Variants in CHRNA7 observed in about 807,000 individuals in gnomAD.
The protein encoded by CHRNA7 is cholinergic receptor nicotinic alpha 7 subunit, also known as neuronal acetylcholine receptor subunit alpha-7.
A neutral mutation model predicts 48.0 loss-of-function variants in CHRNA7; 17 were observed. The observed-to-expected ratio is 0.35, with a 90% CI of 0.24 to 0.53. The LOEUF is 0.53. Among genes scored for constraint, CHRNA7 ranks in the 20% least tolerant of loss-of-function variants. The pLI, the probability that CHRNA7 is intolerant of heterozygous loss-of-function variation, is 0.92. For missense variants in CHRNA7, 155 were observed against 577.7 expected, an observed-to-expected ratio of 0.27 and a Z score of 7.50; for synonymous variants, 75 against 242.3, an observed-to-expected ratio of 0.31 and a Z score of 6.41.
At chr15:32,125,693 T>A (rs966635165) in intron 4 of CHRNA7, among the ~76,000 whole-genome samples, 2 of 152,184 alleles carry the variant, frequency 1.3e-5, no homozygotes, top group Non-Finnish European at 2.9e-5. Flanking sequence ...CTGCTCTGGC[T>A]AAGAAGCTGC....
At chr15:32,091,843 G>A (rs1026288771) in intron 2 of CHRNA7, among the ~76,000 whole-genome samples, 3 of 152,116 alleles carry the variant, frequency 2.0e-5, no homozygotes, top group Non-Finnish European at 2.9e-5. Context: ...TTGTTGTTTT[G>A]AAGGATTTCT....
At chr15:32,136,752 G>GT (rs999828766) in intron 4 of CHRNA7, among the ~76,000 whole-genome samples, 69 of 147,594 alleles carry the variant, frequency 4.7e-4, no homozygotes, top group African/African-American at 1.8e-3. Flanking sequence ...ACAGGAGAAG[G>GT]CCGGCGCGGT....
chr15:32,067,732 T>C (rs2049989395), intron 2 of CHRNA7, among the ~76,000 whole-genome samples: 1 of 152,356 alleles, frequency 6.6e-6, no homozygotes, highest in South Asian at 2.1e-4. Context: ...ATAAATGTAA[T>C]TTTTAATGCA....
At chr15:32,148,885 C>G (rs1374003361) in intron 4 of CHRNA7, among the ~76,000 whole-genome samples, 1 of 152,252 alleles carries the variant, frequency 6.6e-6, no homozygotes, top group Non-Finnish European at 1.5e-5. Flanking sequence ...ACATCCGTTT[C>G]CGTCTTTGGG....
intron 2 of CHRNA7, among the ~76,000 whole-genome samples, chr15:32,071,421 T>C (rs2050056304): frequency 6.6e-6 from 1 of 152,228 alleles, no homozygotes; most frequent in African/African-American, 2.4e-5. Flanking sequence ...TATTTCTTCT[T>C]TGATTCCTGT....
intron 2 of CHRNA7, among the ~76,000 whole-genome samples, chr15:32,046,607 C>T (rs1330290186): frequency 6.6e-6 from 1 of 152,088 alleles, no homozygotes; most frequent in Non-Finnish European, 1.5e-5. Context: ...AAGTTTCTCC[C>T]ATTTTGTGGG....
chr15:32,048,623 C>T (rs1483482493), intron 2 of CHRNA7, among the ~76,000 whole-genome samples: 1 of 151,810 alleles, frequency 6.6e-6, no homozygotes, highest in East Asian at 1.9e-4. Context: ...AAAACCAGCT[C>T]CTGGATTCAT....
At chr15:32,082,519 T>G (rs893512107) in intron 2 of CHRNA7, among the ~76,000 whole-genome samples, 8 of 152,198 alleles carry the variant, frequency 5.3e-5, no homozygotes, top group African/African-American at 1.9e-4. Context: ...AATAATCAGA[T>G]CATATTTGTG....
intron 2 of CHRNA7, among the ~76,000 whole-genome samples, chr15:32,074,096 T>C (rs1263051001): frequency 6.6e-6 from 1 of 151,736 alleles, no homozygotes; most frequent in Non-Finnish European, 1.5e-5. Context: ...TTAATGTATA[T>C]TTAATTTTGA....
intron 2 of CHRNA7, among the ~76,000 whole-genome samples, chr15:32,046,206 ATG>A (rs1483002902): frequency 6.6e-6 from 1 of 151,458 alleles, no homozygotes; most frequent in East Asian, 2.0e-4. Context: ...GCTGGGTCAA[ATG>A]GTATTTCTAG....
chr15:32,139,584 T>TG (rs972090003), intron 4 of CHRNA7, among the ~76,000 whole-genome samples: 1 of 151,780 alleles, frequency 6.6e-6, no homozygotes, highest in Non-Finnish European at 1.5e-5. Context: ...TGTCTCAGTT[T>TG]TTTTTTTTTT....
At position 32,095,037 on chromosome 15, in the gene CHRNA7, T is replaced by C. The variant is rs555239374; in HGVS notation, c.196-6266T>C. Reference sequence around the variant, plus strand: ...TAGCCATTACCCTTGTTTTTACAAATAAGGGAACTGAGTCTCAGAAAAGTT... The same window carrying C: ...TAGCCATTACCCTTGTTTTTACAAACAAGGGAACTGAGTCTCAGAAAAGTT... On this transcript the variant is annotated intron_variant, in intron 2 of 9. Transcript: ENST00000306901. Among the ~76,000 whole-genome samples, 3 of 152,350 alleles carry C rather than the reference T, an allele frequency of 2.0e-5. No individual in the cohort carries two copies. The South Asian group carries it at 6.2e-4, about 32-fold the overall frequency.
rs1555372369 is a variant in CHRNA7 at position 32,038,056 on chromosome 15, G to GTGTATA, written c.195+7020_195+7021insGTATAT. 1.6e-4 allele frequency among the ~76,000 whole-genome samples: 23 copies of GTGTATA among 144,210 alleles called. No individual in the cohort carries two copies. In the East Asian group the frequency reaches 1.8e-3, roughly 11 times the overall value. The allele number at this position is 144,210 out of a possible 152,430, so 94.6% of individuals were successfully genotyped here. A position where few individuals can be genotyped will look rare whatever the true frequency, so the allele number is the denominator to read the frequency against. On this transcript the variant is annotated intron_variant, in intron 2 of 9. Coordinates refer to ENST00000306901, the MANE Select transcript of CHRNA7 (RefSeq NM_000746.6). ...TGTTAGCTATAGGTTTTTTGGATAT[G>GTGTATA]TATATATATATATATAAATATACAT...
chr15:32,104,553 C>T (rs1243144734), intron 3 of CHRNA7, among the ~76,000 whole-genome samples: 6 of 152,178 alleles, frequency 3.9e-5, no homozygotes, highest in Non-Finnish European at 8.8e-5. Context: ...GTCTTCATCA[C>T]CCTTAGAATG....
chr15:32,138,782 A>T (rs767586353), intron 4 of CHRNA7, among the ~76,000 whole-genome samples: 1 of 97,948 alleles, frequency 1.0e-5, no homozygotes, highest in South Asian at 3.6e-4. Flanking sequence ...GAGATGGTGT[A>T]TCGCTCTGTC....
At chr15:32,150,701 G>A (rs1215549894) in intron 4 of CHRNA7, among the ~76,000 whole-genome samples, 1 of 152,086 alleles carries the variant, frequency 6.6e-6, no homozygotes, top group Non-Finnish European at 1.5e-5. Context: ...AAATATTGGA[G>A]GTAAATATTT....
chr15:32,097,681 C>T (rs2050495384), intron 2 of CHRNA7, among the ~76,000 whole-genome samples: 2 of 152,330 alleles, frequency 1.3e-5, no homozygotes, highest in South Asian at 4.1e-4. Flanking sequence ...ATTGCAGGCC[C>T]CTAGGTTCCT....
chr15:32,088,503 G>A (rs927942818), intron 2 of CHRNA7, among the ~76,000 whole-genome samples: 14 of 152,130 alleles, frequency 9.2e-5, no homozygotes, highest in African/African-American at 3.1e-4. Flanking sequence ...GTAAGAAACC[G>A]CCAAATCGTC....
chr15:32,128,182 G>A (rs569306523), intron 4 of CHRNA7, among the ~76,000 whole-genome samples: 46 of 152,004 alleles, frequency 3.0e-4, no homozygotes, highest in African/African-American at 9.6e-4. Flanking sequence ...CTCTATTATA[G>A]TCTTTTGCTT....
Sources: gnomAD v4.1 joint callset for allele counts (sites outside exome capture counted in the v4.1 genomes callset) on GRCh38, gnomAD v4.1.1 for gene constraint, MANE v1.5 for transcripts, NCBI Gene and HGNC (gene_info 2026-07-23, HGNC 2026-07-21) for gene names.